Variants in MGAT4C observed in about 807,000 individuals in gnomAD.
The protein encoded by MGAT4C is MGAT4 family member C.
Under a neutral mutation model 40.1 loss-of-function variants are expected in MGAT4C, and 19 were observed. The ratio of observed to expected loss-of-function variants is 0.47; its 90% confidence interval spans 0.33 to 0.70. MGAT4C has a LOEUF of 0.70. MGAT4C is among the 30% of genes least tolerant of loss of function. The pLI, the probability that MGAT4C is intolerant of heterozygous loss-of-function variation, is 0.02. For synonymous variants in MGAT4C, 181 were observed against 187.1 expected (o/e 0.97, Z 0.27); for missense variants, 491 against 563.2 (o/e 0.87, Z 1.30).
At chr12:86,348,839 T>C (rs574002331) in intron 3 of MGAT4C, among the ~76,000 whole-genome samples, 5 of 152,224 alleles carry the variant, frequency 3.3e-5, no homozygotes, top group African/African-American at 1.2e-4. Flanking sequence ...TTGGAAACTT[T>C]TAAAAATCTT....
In MGAT4C at chr12:86,131,544, T is replaced by A. The variant is rs200755067; in HGVS notation, c.-56-81821A>T. 1.8e-4 allele frequency among the ~76,000 whole-genome samples: 27 copies of A among 152,242 alleles called. No individual in the cohort carries two copies. The East Asian group carries it at 5.0e-3, about 28-fold the overall frequency. ...ATTTGGCATTTATTCTTTTATTTTG[T>A]ATAAATTTTTTATTTCAATAGACAT... is the stretch of plus-strand genomic sequence containing the variant. On this transcript the variant is annotated intron_variant, in intron 1 of 4. Transcript: ENST00000611864.
At chr12:86,426,223 A>T (rs1956922965) in intron 3 of MGAT4C, among the ~76,000 whole-genome samples, 1 of 152,154 alleles carries the variant, frequency 6.6e-6, no homozygotes, top group African/African-American at 2.4e-5. Flanking sequence ...CTATTTCAGC[A>T]ATGTCCTTAG....
chr12:86,697,318 G>C (rs1325065693), intron 2 of MGAT4C, among the ~76,000 whole-genome samples: 1 of 152,068 alleles, frequency 6.6e-6, no homozygotes, highest in South Asian at 2.1e-4. Flanking sequence ...TATATGCTGA[G>C]TGTTTCTGCA....
At chr12:86,700,160 G>T (rs1183440164) in intron 2 of MGAT4C, among the ~76,000 whole-genome samples, 7 of 82,432 alleles carry the variant, frequency 8.5e-5, no homozygotes, top group African/African-American at 2.2e-4. Flanking sequence ...CAGACAGACA[G>T]ACAGACAGAC....
chr12:86,389,866 C>T (rs1021491958), intron 3 of MGAT4C, among the ~76,000 whole-genome samples: 7 of 151,884 alleles, frequency 4.6e-5, no homozygotes, highest in Non-Finnish European at 2.9e-5. Context: ...TTTTCTCTCT[C>T]GGGGATACAG....
chr12:86,714,255 A>G (rs1950606071), intron 2 of MGAT4C, among the ~76,000 whole-genome samples: 1 of 152,160 alleles, frequency 6.6e-6, no homozygotes, highest in East Asian at 1.9e-4. Flanking sequence ...TTCTACCTCC[A>G]TATATAAGTT....
intron 1 of MGAT4C, among the ~76,000 whole-genome samples, chr12:86,146,891 C>G (rs186451580): frequency 1.3e-4 from 19 of 151,724 alleles, no homozygotes; most frequent in Admixed American, 2.0e-4. Flanking sequence ...TGTATCCTTG[C>G]ATTTTCCACA....
chr12:86,672,871 A>C (rs1964295497), intron 2 of MGAT4C, among the ~76,000 whole-genome samples: 1 of 152,152 alleles, frequency 6.6e-6, no homozygotes, highest in Non-Finnish European at 1.5e-5. Flanking sequence ...ACCCGGTAAC[A>C]AACCTATATA....
At chr12:86,789,218 A>G (rs1371532383) in intron 1 of MGAT4C, among the ~76,000 whole-genome samples, 1 of 152,162 alleles carries the variant, frequency 6.6e-6, no homozygotes, top group Non-Finnish European at 1.5e-5. Flanking sequence ...AAATGTATTT[A>G]GAACTAAGTG....
At chr12:86,086,141 A>G (rs1331624543) in intron 1 of MGAT4C, among the ~76,000 whole-genome samples, 2 of 152,164 alleles carry the variant, frequency 1.3e-5, no homozygotes, top group Admixed American at 1.3e-4. Flanking sequence ...GACCCAACCC[A>G]AATGCCCATC....
intron 2 of MGAT4C, among the ~76,000 whole-genome samples, chr12:86,523,904 C>T (rs1000205459): frequency 6.6e-6 from 1 of 152,096 alleles, no homozygotes; most frequent in African/African-American, 2.4e-5. Flanking sequence ...ACTAGGGTGG[C>T]AATCCCTGCT....
intron 1 of MGAT4C, among the ~76,000 whole-genome samples, chr12:86,224,120 C>T (rs367802000): frequency 1.3e-5 from 2 of 152,168 alleles, no homozygotes; most frequent in South Asian, 4.1e-4. Context: ...GATCCCAAGA[C>T]AGGTACGCTC....
rs1036424867 is a variant in MGAT4C, at chr12:86,138,565, TC to T, written c.-56-88843del. Among the ~76,000 whole-genome samples the T allele has an allele frequency of 3.8e-3, 557 of 147,808 alleles. 6 individuals are homozygous for T. Among genetic ancestry groups the T allele is most frequent in the Admixed American group, 6.1e-3 (89 of 14,664 alleles). On this transcript the variant is annotated intron_variant, in intron 1 of 4. Coordinates refer to ENST00000611864, the MANE Select transcript of MGAT4C (RefSeq NM_001351288.2). ...TCCATAGATATATCATGTATATATT[TC>T]CATAGATATATCATATATATATTTC... is the stretch of plus-strand genomic sequence containing the variant.
At chr12:86,257,512 T>C (rs1382092364), upstream of MGAT4C, among the ~76,000 whole-genome samples, 2 of 152,202 alleles carry the variant, frequency 1.3e-5, no homozygotes, top group African/African-American at 2.4e-5. Context: ...GGAAATTCAC[T>C]TCAACCACCC....
intron 1 of MGAT4C, among the ~76,000 whole-genome samples, chr12:86,751,847 T>TA (rs1463077487): frequency 2.6e-5 from 4 of 152,188 alleles, no homozygotes; most frequent in East Asian, 3.9e-4. Flanking sequence ...ATAATACTAT[T>TA]ATAATAAGGA....
At chr12:86,712,375 C>T (rs1301478880) in intron 2 of MGAT4C, among the ~76,000 whole-genome samples, 2 of 151,996 alleles carry the variant, frequency 1.3e-5, no homozygotes, top group Non-Finnish European at 2.9e-5. Context: ...CCATGAATAA[C>T]ATAATCAATG....
chr12:86,782,060 T>C (rs1951851337), intron 1 of MGAT4C, among the ~76,000 whole-genome samples: 1 of 151,882 alleles, frequency 6.6e-6, no homozygotes, highest in Admixed American at 6.6e-5. Flanking sequence ...TGGCGTGATC[T>C]CGGCTTACTG....
At chr12:86,286,625 G>T (rs1316658639) in intron 4 of MGAT4C, among the ~76,000 whole-genome samples, 1 of 152,038 alleles carries the variant, frequency 6.6e-6, no homozygotes, top group African/African-American at 2.4e-5. Flanking sequence ...AACATGTGCA[G>T]GTGTGCTATA....
intron 2 of MGAT4C, among the ~76,000 whole-genome samples, chr12:86,551,687 T>G (rs1222648922): frequency 6.6e-6 from 1 of 152,124 alleles, no homozygotes; most frequent in Non-Finnish European, 1.5e-5. Flanking sequence ...AAACAGACCT[T>G]ATGATGGCAA....
Sources: gnomAD v4.1 joint callset for allele counts (sites outside exome capture counted in the v4.1 genomes callset) on GRCh38, gnomAD v4.1.1 for gene constraint, MANE v1.5 for transcripts, NCBI Gene and HGNC (gene_info 2026-07-23, HGNC 2026-07-21) for gene names.